TDP1: variants seen among roughly 807,000 people sequenced by gnomAD.
TDP1 encodes the protein tyr-DNA phosphodiesterase 1.
In TDP1, 64 loss-of-function variants were observed where a neutral mutation model predicts 81.5. The observed-to-expected ratio is 0.79, with a 90% CI of 0.64 to 0.97. The LOEUF is 0.97. Ranked by LOEUF, TDP1 falls within the 50% of genes least tolerant of loss-of-function variation. The probability of loss-of-function intolerance (pLI) is 0.00; values close to 1 mark genes in which losing one functional copy is unlikely to be tolerated. For missense variants in TDP1, 723 were observed against 743.8 expected (o/e 0.97, Z 0.33); for synonymous variants, 256 against 264.3 (o/e 0.97, Z 0.30).
intron 10 of TDP1, among the ~76,000 whole-genome samples, chr14:89,985,803 C>T (rs1292606204): frequency 3.3e-5 from 5 of 151,996 alleles, no homozygotes; most frequent in African/African-American, 7.3e-5. Flanking sequence ...CTGAGAGGGG[C>T]GGATCACAAG....
At chr14:90,036,744 T>C (rs1424362294) in intron 16 of TDP1, among the ~76,000 whole-genome samples, 1 of 151,648 alleles carries the variant, frequency 6.6e-6, no homozygotes, top group African/African-American at 2.4e-5. Flanking sequence ...ATTCCTCTTC[T>C]CCTGAAAAAT....
At chr14:89,956,938 C>T (rs1891725798) in intron 2 of TDP1, 138 bp downstream of exon 2, 1 of 152,222 alleles carries the variant, frequency 6.6e-6, no homozygotes, top group Admixed American at 6.5e-5. Flanking sequence ...TCTTAAAGCC[C>T]TCAGTGGGGT....
intron 6 of TDP1, among the ~76,000 whole-genome samples, chr14:89,972,629 A>G (rs904529838): frequency 7.2e-6 from 1 of 139,516 alleles, no homozygotes; most frequent in Non-Finnish European, 1.7e-5. Context: ...CTTCTATTAC[A>G]CGTGGCGCAT....
At chr14:90,018,797 G>C (rs546507108) in intron 14 of TDP1, 13 of 175,152 alleles carry the variant, frequency 7.4e-5, no homozygotes, top group African/African-American at 3.1e-4. Context: ...ACATCATTCT[G>C]AATGTACCAT....
intron 7 of TDP1, among the ~76,000 whole-genome samples, chr14:89,978,219 G>A (rs1566864671): frequency 6.6e-6 from 1 of 152,248 alleles, no homozygotes; most frequent in Non-Finnish European, 1.5e-5. Context: ...GAAACCATGT[G>A]TGGTGAAAGG....
chr14:89,961,143 G>A (rs1396831206), intron 2 of TDP1, among the ~76,000 whole-genome samples: 1 of 152,216 alleles, frequency 6.6e-6, no homozygotes, highest in East Asian at 1.9e-4. Context: ...GCAAACGTGT[G>A]TTTTGTGCAT....
chr14:90,037,133 A>C (rs1285598666), intron 16 of TDP1, among the ~76,000 whole-genome samples: 2 of 152,218 alleles, frequency 1.3e-5, no homozygotes, highest in Non-Finnish European at 2.9e-5. Flanking sequence ...TTTATAAAGC[A>C]AAATCACCAA....
intron 14 of TDP1, among the ~76,000 whole-genome samples, chr14:89,998,418 A>G (rs1327792921): frequency 1.3e-4 from 13 of 98,236 alleles, no homozygotes; most frequent in African/African-American, 4.2e-4. Context: ...ATATATATAT[A>G]TATATGTATG....
At chr14:90,024,615 CTG>C (rs1414038412) in intron 15 of TDP1, among the ~76,000 whole-genome samples, 4 of 152,206 alleles carry the variant, frequency 2.6e-5, no homozygotes, top group East Asian at 1.9e-4. Flanking sequence ...TGTTCACAAA[CTG>C]TGTTGTAAAG....
In TDP1 at chr14:89,985,767, G is replaced by A. The variant is rs35867378; in HGVS notation, c.1131+557G>A. 6.0e-3 allele frequency among the ~76,000 whole-genome samples: 906 copies of A among 152,236 alleles called. 6 individuals are homozygous for A. The highest frequency in any genetic ancestry group is 0.021 in the African/African-American group (868 of 41,524). ...TCCCTGGCCAGGTGTGGTGGCTCAC[G>A]CCTGTAATCCCAGCATTTTGGGAGG... On this transcript the variant is annotated intron_variant, in intron 10 of 16. Coordinates refer to ENST00000335725, the MANE Select transcript of TDP1 (RefSeq NM_018319.4).
At chr14:90,042,789 C>T (rs1668843082) in intron 16 of TDP1, 1 of 788,938 alleles carries the variant, frequency 1.3e-6, no homozygotes, top group Non-Finnish European at 1.5e-6. Context: ...CACCAAGTCC[C>T]TCCCACGATA....
rs542566456 is a variant in TDP1, at chr14:89,964,236, G to C, written c.559+563G>C. ...GAAGAAAAAACAAAATAGTGCCTGA[G>C]TGCAAATAGATGTTTCAGTTATGGA... On this transcript the variant is annotated intron_variant, in intron 3 of 16. Coordinates refer to ENST00000335725, the MANE Select transcript of TDP1 (RefSeq NM_018319.4). Among the ~76,000 whole-genome samples the C allele has an allele frequency of 7.5e-4, 114 of 152,216 alleles. 1 individual carries two copies. Among genetic ancestry groups the C allele is most frequent in the Non-Finnish European group, 5.9e-4 (40 of 68,036 alleles).
At chr14:90,006,469 C>T (rs946366406) in intron 14 of TDP1, among the ~76,000 whole-genome samples, 1 of 152,098 alleles carries the variant, frequency 6.6e-6, no homozygotes, top group Non-Finnish European at 1.5e-5. Flanking sequence ...TCCTTGACCT[C>T]CCAGGCTCAG....
At chr14:90,022,047 T>A (rs189624229) in intron 15 of TDP1, among the ~76,000 whole-genome samples, 31 of 152,292 alleles carry the variant, frequency 2.0e-4, no homozygotes, top group African/African-American at 6.5e-4. Context: ...TAATCAGGCA[T>A]TGTGGACGGT....
intron 6 of TDP1, among the ~76,000 whole-genome samples, chr14:89,971,985 A>G (rs35483543): frequency 0.095 from 14,465 of 152,186 alleles, 1,771 homozygotes; most frequent in African/African-American, 0.28. Flanking sequence ...TTAGGAAACT[A>G]TGTGAGTCGT....
At chr14:90,019,559 G>T (rs979661436) in intron 15 of TDP1, 141 bp downstream of exon 15, 6 of 689,950 alleles carry the variant, frequency 8.7e-6, no homozygotes, top group Non-Finnish European at 1.6e-5. Flanking sequence ...ACTCTTAACC[G>T]CTGGTCTGTA....
intron 6 of TDP1, among the ~76,000 whole-genome samples, chr14:89,972,115 C>T (rs1172391507): frequency 6.6e-6 from 1 of 152,194 alleles, no homozygotes; most frequent in Non-Finnish European, 1.5e-5. Context: ...TTTGTTCTTG[C>T]ACCGCTATGA....
At chr14:89,995,129 C>T (rs1473942401) in intron 14 of TDP1, among the ~76,000 whole-genome samples, 1 of 152,158 alleles carries the variant, frequency 6.6e-6, no homozygotes, top group Admixed American at 6.5e-5. Context: ...GGCTTTGTAG[C>T]TTCTAGTTTT....
In TDP1 at chr14:90,002,454, G is replaced by A. The variant is rs1262110384; in HGVS notation, c.1541+8971G>A. On this transcript the variant is annotated intron_variant, in intron 14 of 16. Transcript: ENST00000335725. ...AAACAGTATGCTGTGTTTAATATTA[G>A]TTCACTGCTTGATTTTTCATGTCTC... is the stretch of plus-strand genomic sequence containing the variant. Among the ~76,000 whole-genome samples the A allele has an allele frequency of 5.3e-5, 8 of 152,082 alleles. 1 individual carries two copies. The highest frequency in any genetic ancestry group is 4.6e-4 in the Admixed American group (7 of 15,270).
Sources: gnomAD v4.1 joint callset for allele counts (sites outside exome capture counted in the v4.1 genomes callset) on GRCh38, gnomAD v4.1.1 for gene constraint, MANE v1.5 for transcripts, NCBI Gene and HGNC (gene_info 2026-07-23, HGNC 2026-07-21) for gene names.